TCF4: variants seen among roughly 807,000 people sequenced by gnomAD.
The protein encoded by TCF4 is SL3-3 enhancer factor 2.
In TCF4, 3 loss-of-function variants were observed where a neutral mutation model predicts 82.1. The ratio of observed to expected loss-of-function variants is 0.04; its 90% confidence interval spans 0.02 to 0.09. The LOEUF is 0.09. Among genes scored for constraint, TCF4 ranks in the 10% least tolerant of loss-of-function variants. TCF4 has a pLI of 1.00. For missense variants in TCF4, 518 were observed against 852.7 expected (o/e 0.61, Z 4.89); for synonymous variants, 276 against 309.6 (o/e 0.89, Z 1.14).
At chr18:55,363,546 G>A (rs1419231670) in intron 6 of TCF4, among the ~76,000 whole-genome samples, 1 of 152,188 alleles carries the variant, frequency 6.6e-6, no homozygotes, top group Non-Finnish European at 1.5e-5. Flanking sequence ...GCTCATGCCT[G>A]TAATCTCAGC....
intron 16 of TCF4, among the ~76,000 whole-genome samples, chr18:55,233,845 ATGAT>A (rs1186351197): frequency 2.6e-5 from 4 of 151,838 alleles, no homozygotes; most frequent in Admixed American, 1.3e-4. Flanking sequence ...AGTCCATAAA[ATGAT>A]TATTATTCAT....
intron 3 of TCF4, among the ~76,000 whole-genome samples, chr18:55,489,625 A>G (rs752937016): frequency 4.6e-5 from 7 of 152,176 alleles, no homozygotes; most frequent in Non-Finnish European, 7.3e-5. Flanking sequence ...CAAAAAAACA[A>G]AAGAAACCTT....
At chr18:55,589,805 T>G (rs918317881), upstream of TCF4, 16 of 1,008,326 alleles carry the variant, frequency 1.6e-5, no homozygotes, top group African/African-American at 2.8e-4. Flanking sequence ...TGCGGGCTTA[T>G]AAAGAGAAGG....
At chr18:55,272,980 G>A (rs1225347016) in intron 10 of TCF4, among the ~76,000 whole-genome samples, 1 of 152,144 alleles carries the variant, frequency 6.6e-6, no homozygotes, top group Non-Finnish European at 1.5e-5. Flanking sequence ...CCTAAATCAT[G>A]CCAGACAGTG....
chr18:55,481,312 T>G (rs1031751859), intron 3 of TCF4, among the ~76,000 whole-genome samples: 1 of 152,188 alleles, frequency 6.6e-6, no homozygotes, highest in African/African-American at 2.4e-5. Flanking sequence ...AATAACGGCT[T>G]TTATTCTTTG....
chr18:55,317,927 C>G (rs1187319934), intron 8 of TCF4, among the ~76,000 whole-genome samples: 1 of 152,066 alleles, frequency 6.6e-6, no homozygotes, highest in African/African-American at 2.4e-5. Flanking sequence ...ATAAAAAGCT[C>G]ATTACCATTT....
At chr18:55,538,553 G>A (rs1468513789) in intron 3 of TCF4, among the ~76,000 whole-genome samples, 1 of 152,216 alleles carries the variant, frequency 6.6e-6, no homozygotes, top group Non-Finnish European at 1.5e-5. Context: ...GTCTCCGGAA[G>A]GAATCCAAGA....
chr18:55,635,402 G>A (rs912380544), intron 1 of TCF4, among the ~76,000 whole-genome samples: 1 of 152,094 alleles, frequency 6.6e-6, no homozygotes, highest in African/African-American at 2.4e-5. Context: ...TCAGCTACTT[G>A]GGAGGCTGAG....
intron 8 of TCF4, among the ~76,000 whole-genome samples, chr18:55,289,449 TATCTTAA>T (rs1474704676): frequency 6.6e-6 from 1 of 152,240 alleles, no homozygotes; most frequent in Non-Finnish European, 1.5e-5. Context: ...TGCTTCTGGT[TATCTTAA>T]ATCTTAAACA....
intron 17 of TCF4, chr18:55,229,343 C>A (rs922608203): frequency 4.0e-6 from 2 of 504,224 alleles, no homozygotes; most frequent in Non-Finnish European, 7.2e-6. Flanking sequence ...GCAGGGTGTG[C>A]CCATACTGAT....
At chr18:55,401,036 C>G in intron 6 of TCF4, 1 of 1,289,072 alleles carries the variant, frequency 7.8e-7, no homozygotes, top group South Asian at 1.2e-5. Flanking sequence ...CAGCTGTGAT[C>G]TGCTATTTAG....
At chr18:55,297,351 T>G (rs1054232620) in intron 8 of TCF4, among the ~76,000 whole-genome samples, 1 of 152,128 alleles carries the variant, frequency 6.6e-6, no homozygotes, top group Non-Finnish European at 1.5e-5. Flanking sequence ...ATACTGTATT[T>G]TCCTGCTCCT....
chr18:55,425,128 C>T (rs1022080205), intron 5 of TCF4, among the ~76,000 whole-genome samples: 4 of 152,184 alleles, frequency 2.6e-5, no homozygotes, highest in Non-Finnish European at 2.9e-5. Context: ...TTATGTGAAG[C>T]TTCATGTAAT....
intron 8 of TCF4, among the ~76,000 whole-genome samples, chr18:55,342,163 T>C (rs898987676): frequency 1.3e-5 from 2 of 152,164 alleles, no homozygotes; most frequent in Non-Finnish European, 2.9e-5. Flanking sequence ...TACATCAATA[T>C]TGGGTGAAGT....
At chr18:55,275,864 G>T in intron 9 of TCF4, 112 bp from the exon 10 acceptor site, 1 of 1,372,600 alleles carries the variant, frequency 7.3e-7, no homozygotes, top group Non-Finnish European at 1.0e-6. Context: ...TCATCTTTGT[G>T]TTGGTTAGCT....
intron 3 of TCF4, among the ~76,000 whole-genome samples, chr18:55,533,905 T>G (rs1568334781): frequency 6.6e-6 from 1 of 152,228 alleles, no homozygotes; most frequent in Non-Finnish European, 1.5e-5. Flanking sequence ...ATCCACCCTG[T>G]GCCAGGCACT....
intron 6 of TCF4, among the ~76,000 whole-genome samples, chr18:55,370,427 TGATA>T (rs10566649): frequency 0.21 from 30,226 of 144,886 alleles, 3,072 homozygotes; most frequent in East Asian, 0.29. Flanking sequence ...GATAGACAGA[TGATA>T]GATAGATAGA....
rs544861653 is a variant in TCF4 at position 55,316,783 on chromosome 18, A to G, written c.549+33576T>C. ...TTTTTCCTGACCACTTTTCTCCCCA[A>G]CCCTCTTTCTCCTATGCCAATGTCC... On this transcript the variant is annotated intron_variant, in intron 8 of 19. Transcript: ENST00000354452. 2.0e-5 allele frequency among the ~76,000 whole-genome samples: 3 copies of G among 152,130 alleles called. No individual in the cohort carries two copies. The South Asian group carries it at 6.2e-4, about 32-fold the overall frequency.
chr18:55,274,227 C>G (rs1252791072), intron 10 of TCF4, among the ~76,000 whole-genome samples: 1 of 152,054 alleles, frequency 6.6e-6, no homozygotes, highest in Non-Finnish European at 1.5e-5. Context: ...AGCTTTCACT[C>G]TAATATCTCC....
Sources: gnomAD v4.1 joint callset for allele counts (sites outside exome capture counted in the v4.1 genomes callset) on GRCh38, gnomAD v4.1.1 for gene constraint, MANE v1.5 for transcripts, NCBI Gene and HGNC (gene_info 2026-07-23, HGNC 2026-07-21) for gene names.